Variants in PTPRZ1 observed in about 807,000 individuals in gnomAD.
The protein encoded by PTPRZ1 is receptor-type tyrosine-protein phosphatase zeta.
Under a neutral mutation model 214.1 loss-of-function variants are expected in PTPRZ1, and 82 were observed. That is an observed-to-expected ratio of 0.38 (90% confidence interval 0.32 to 0.46). The LOEUF is 0.46. PTPRZ1 is among the 20% of genes least tolerant of loss of function. The pLI is 1.00. For missense variants in PTPRZ1, 2,603 were observed against 2,748.7 expected (o/e 0.95, Z 1.19); for synonymous variants, 945 against 987.9 (o/e 0.96, Z 0.81).
In PTPRZ1 at chr7:122,012,450, C is replaced by G; in HGVS notation, c.3404C>G (p.Ser1135Cys). 1 of 1,613,464 alleles carries G rather than the reference C, an allele frequency of 6.2e-7. No individual in the cohort carries two copies. Residue 1135 changes from serine (S) to cysteine (C), a missense_variant, in exon 12 of 30, where the codon TCT becomes TGT. Around this residue, in one of 6 missense-constraint regions of PTPRZ1, gnomAD observed 1,913 missense variants for 1,914.3 expected, o/e 1.00. Coordinates refer to ENST00000393386, the MANE Select transcript of PTPRZ1 (RefSeq NM_002851.3). ...VQPTHTVSQA[S>C]GDTSLKPVLS... ...CCTACACATACTGTCTCTCAAGCAT[C>G]TGGTGACACTTCGCTTAAACCTGTG... is the stretch of plus-strand genomic sequence containing the variant.
intron 1 of PTPRZ1, among the ~76,000 whole-genome samples, chr7:121,897,294 A>G (rs982285933): frequency 3.2e-4 from 49 of 152,270 alleles, no homozygotes; most frequent in African/African-American, 1.1e-3. Flanking sequence ...GGCTTTACTC[A>G]TAATAATGGT....
intron 1 of PTPRZ1, among the ~76,000 whole-genome samples, chr7:121,902,040 C>T (rs1794976913): frequency 1.3e-5 from 2 of 152,140 alleles, no homozygotes; most frequent in African/African-American, 2.4e-5. Flanking sequence ...CAGGTAGTCA[C>T]TCTTCTACTC....
chr7:122,032,949 T>A (rs1021716589), intron 15 of PTPRZ1, among the ~76,000 whole-genome samples: 4 of 152,060 alleles, frequency 2.6e-5, no homozygotes, highest in African/African-American at 9.7e-5. Context: ...ATTTTAGTGT[T>A]AACTGATAGA....
chr7:121,893,362 T>A (rs1342696003), intron 1 of PTPRZ1, among the ~76,000 whole-genome samples: 1 of 152,244 alleles, frequency 6.6e-6, no homozygotes, highest in Non-Finnish European at 1.5e-5. Flanking sequence ...TCAAGATGGT[T>A]TGCACCGTGG....
At chr7:121,924,414 C>T (rs1458001366) in intron 1 of PTPRZ1, among the ~76,000 whole-genome samples, 2 of 152,070 alleles carry the variant, frequency 1.3e-5, no homozygotes, top group African/African-American at 2.4e-5. Flanking sequence ...GGGGTACTCT[C>T]TCACGCCCAA....
chr7:122,040,886 G>A lies in PTPRZ1; in HGVS notation c.5708G>A (p.Gly1903Glu), dbSNP rs1799708742. ...QYHYTQWPDM[G>E]VPEYSLPVLT... ...CACTACACGCAGTGGCCTGACATGG[G>A]AGTACCAGAGTACTCCCTGCCAGTG... The change falls in exon 21 of 30, where the codon GGA becomes GAA. Residue 1903 changes from glycine (G) to glutamate (E), a missense_variant. This residue lies in a region of PTPRZ1 where 1,913 missense variants were observed against 1,914.3 expected (regional missense o/e 1.00). Coordinates refer to ENST00000393386, the MANE Select transcript of PTPRZ1 (RefSeq NM_002851.3). 1.9e-6 allele frequency: 3 copies of A among 1,607,454 alleles called. No individual in the cohort carries two copies. The highest frequency in any genetic ancestry group is 2.6e-6 in the Non-Finnish European group (3 of 1,175,116).
chr7:122,039,377 C>A, intron 19 of PTPRZ1, 77 bp from the exon 20 acceptor site: 1 of 1,495,016 alleles, frequency 6.7e-7, no homozygotes, highest in Non-Finnish European at 9.1e-7. Flanking sequence ...CCATCTCAGA[C>A]CTTTACTGAT....
intron 1 of PTPRZ1, among the ~76,000 whole-genome samples, chr7:121,889,958 T>C (rs1305792745): frequency 6.6e-6 from 1 of 152,176 alleles, no homozygotes; most frequent in African/African-American, 2.4e-5. Flanking sequence ...CCACATACAT[T>C]GTACTCCACT....
At chr7:121,990,901 G>T (rs1797940847) in intron 8 of PTPRZ1, among the ~76,000 whole-genome samples, 1 of 152,194 alleles carries the variant, frequency 6.6e-6, no homozygotes, top group South Asian at 2.1e-4. Flanking sequence ...AAAGTATGAA[G>T]TAGATTAAGT....
intron 14 of PTPRZ1, among the ~76,000 whole-genome samples, chr7:122,030,547 T>G (rs900072832): frequency 4.6e-5 from 7 of 152,042 alleles, no homozygotes; most frequent in Admixed American, 3.9e-4. Flanking sequence ...TAATTCAATT[T>G]TAGTATTCAG....
chr7:121,954,061 A>G (rs1796636405), intron 2 of PTPRZ1, among the ~76,000 whole-genome samples: 1 of 152,144 alleles, frequency 6.6e-6, no homozygotes, highest in South Asian at 2.1e-4. Context: ...CAAATATTAA[A>G]TCTTAACTTT....
Position 122,034,325 on chromosome 7 carries a change from G to A in PTPRZ1, c.5231G>A (p.Ser1744Asn). ...GTTGACTTAGGTATTACAGCAGACAGCTCCAACCACCCAGACAACAAGCAC... is the reference window on the plus strand; with the variant it reads ...GTTGACTTAGGTATTACAGCAGACAACTCCAACCACCCAGACAACAAGCAC... ...CTVDLGITAD[S>N]SNHPDNKHKN... Residue 1744 changes from serine to asparagine, a missense_variant, in exon 17 of 30, where the codon AGC (serine) becomes AAC (asparagine). Physicochemically the swap from Ser to Asn is conservative, Grantham distance 46. Around this residue, in one of 6 missense-constraint regions of PTPRZ1, gnomAD observed 1,913 missense variants for 1,914.3 expected, o/e 1.00. Transcript: ENST00000393386. 6.2e-7 allele frequency: 1 copy of A among 1,613,506 alleles called. No individual in the cohort carries two copies. Among genetic ancestry groups the A allele is most frequent in the Non-Finnish European group, 8.5e-7 (1 of 1,179,654 alleles).
chr7:121,879,136 T>TC (rs1794154339), intron 1 of PTPRZ1, among the ~76,000 whole-genome samples: 1 of 152,198 alleles, frequency 6.6e-6, no homozygotes, highest in East Asian at 1.9e-4. Flanking sequence ...ATTACATAGA[T>TC]CCAGACACTA....
chr7:121,941,324 A>G (rs540869824), intron 2 of PTPRZ1, among the ~76,000 whole-genome samples: 23 of 152,358 alleles, frequency 1.5e-4, no homozygotes, highest in Non-Finnish European at 3.1e-4. Context: ...TTCTGTGGCC[A>G]CATCTGATTT....
chr7:122,056,369 T>A (rs1792349172), intron 27 of PTPRZ1, among the ~76,000 whole-genome samples: 1 of 151,808 alleles, frequency 6.6e-6, no homozygotes, highest in Admixed American at 6.6e-5. Flanking sequence ...TCAGTATGTC[T>A]CATCTATGTA....
At chr7:121,989,023 G>GA (rs1247415960) in intron 8 of PTPRZ1, among the ~76,000 whole-genome samples, 2 of 152,054 alleles carry the variant, frequency 1.3e-5, no homozygotes, top group Admixed American at 6.5e-5. Flanking sequence ...CTCTGTGACT[G>GA]AAAAAAATAG....
intron 2 of PTPRZ1, among the ~76,000 whole-genome samples, chr7:121,960,148 C>T (rs998838428): frequency 6.6e-6 from 1 of 152,224 alleles, no homozygotes; most frequent in African/African-American, 2.4e-5. Context: ...CAGGGATTCT[C>T]CTGCCTCAGC....
intron 12 of PTPRZ1, among the ~76,000 whole-genome samples, chr7:122,016,964 T>C (rs1333176918): frequency 6.6e-6 from 1 of 151,884 alleles, no homozygotes; most frequent in Non-Finnish European, 1.5e-5. Flanking sequence ...GTTCAGAAGA[T>C]TTTGTATGGT....
intron 2 of PTPRZ1, among the ~76,000 whole-genome samples, chr7:121,934,816 C>T (rs1483598712): frequency 1.3e-5 from 2 of 152,070 alleles, no homozygotes; most frequent in African/African-American, 4.8e-5. Flanking sequence ...GATTTATATT[C>T]TGGTCAAACT....
Sources: gnomAD v4.1 joint callset for allele counts (sites outside exome capture counted in the v4.1 genomes callset) on GRCh38, gnomAD v4.1.1 for gene constraint, gnomAD v4.1.1 regional missense constraint, MANE v1.5 for transcripts, NCBI Gene and HGNC (gene_info 2026-07-23, HGNC 2026-07-21) for gene names.